Variants in CLDN14 observed in about 807,000 individuals in gnomAD.
The protein encoded by CLDN14 is claudin-14.
CLDN14 carries 2 observed loss-of-function variants against 2.1 expected under a neutral mutation model. The ratio of observed to expected loss-of-function variants is 0.96; its 90% CI spans 0.39 to 3.01. The LOEUF (loss-of-function observed/expected upper bound fraction) is 3.01, where lower values mean the gene tolerates loss of function less well. CLDN14 is among the 30% of genes most tolerant of loss of function. The pLI, the probability that CLDN14 is intolerant of heterozygous loss-of-function variation, is 0.09. For synonymous variants in CLDN14, 136 were observed against 154.4 expected (o/e 0.88, Z 0.88); for missense variants, 298 against 328.0 (o/e 0.91, Z 0.71).
rs191957978 is a variant in CLDN14 at position 36,529,803 on chromosome 21, G to C, written c.-219-19303C>G. Among the ~76,000 whole-genome samples, 72 of 152,178 alleles carry C rather than the reference G, an allele frequency of 4.7e-4. No homozygotes were observed. The Middle Eastern group carries it at 0.017, about 36-fold the overall frequency. ...ATTCCCTATTTATATTTATTTGTTA[G>C]TCTAAAAATTAATTGTTACCTGACA... On this transcript the variant is annotated intron_variant, in intron 1 of 2. Coordinates refer to the CLDN14 transcript ENST00000342108.
chr21:36,486,548 C>T lies in CLDN14; in HGVS notation c.-82+23815G>A. 1.9e-6 allele frequency: 3 copies of T among 1,559,914 alleles called. No individual in the cohort carries two copies. The South Asian group carries it at 3.3e-5, about 17-fold the overall frequency. On this transcript the variant is annotated intron_variant, in intron 2 of 2. Transcript: ENST00000342108. The stretch of plus-strand genomic sequence containing the variant: ...CCCTTCCCCAGCCAAAATCGGAGAA[C>T]TGATGAGAGCATCAGCCAAGCTGGG...
chr21:36,503,401 T>C (rs2087105544), intron 2 of CLDN14, among the ~76,000 whole-genome samples: 1 of 152,216 alleles, frequency 6.6e-6, no homozygotes, highest in Non-Finnish European at 1.5e-5. Context: ...TGAATTCCCA[T>C]GCGTTGTGGG....
intron 1 of CLDN14, among the ~76,000 whole-genome samples, chr21:36,567,390 G>A (rs2087680796): frequency 6.6e-6 from 1 of 152,208 alleles, no homozygotes; most frequent in Non-Finnish European, 1.5e-5. Context: ...GCTCCAAGGG[G>A]AGCCAACCGC....
intron 1 of CLDN14, among the ~76,000 whole-genome samples, chr21:36,521,213 C>T (rs999256236): frequency 6.6e-6 from 1 of 152,196 alleles, no homozygotes; most frequent in South Asian, 2.1e-4. Context: ...CCAGGCTTTC[C>T]AACCAGCTCC....
chr21:36,528,359 G>A (rs911055038), intron 1 of CLDN14, among the ~76,000 whole-genome samples: 1 of 152,194 alleles, frequency 6.6e-6, no homozygotes, highest in Non-Finnish European at 1.5e-5. Flanking sequence ...TGGAAAGTGA[G>A]ACAGTCCACG....
upstream of CLDN14, among the ~76,000 whole-genome samples, chr21:36,485,008 G>A (rs2086881128): frequency 6.6e-6 from 1 of 151,602 alleles, no homozygotes; most frequent in African/African-American, 2.4e-5. Flanking sequence ...CACTGTACTG[G>A]GCTGATAAGG....
At chr21:36,541,722 G>A (rs777871619) in intron 1 of CLDN14, among the ~76,000 whole-genome samples, 9 of 152,176 alleles carry the variant, frequency 5.9e-5, no homozygotes, top group Non-Finnish European at 1.3e-4. Flanking sequence ...CCAAATGCCC[G>A]GTAGAATGGA....
At chr21:36,540,179 G>A (rs2087476513) in intron 1 of CLDN14, among the ~76,000 whole-genome samples, 1 of 151,902 alleles carries the variant, frequency 6.6e-6, no homozygotes, top group Non-Finnish European at 1.5e-5. Flanking sequence ...ATTGGCTCCA[G>A]GACCCCTGAG....
intron 1 of CLDN14, among the ~76,000 whole-genome samples, chr21:36,467,333 G>T (rs529843664): frequency 1.5e-4 from 23 of 152,288 alleles, no homozygotes; most frequent in East Asian, 9.6e-4. Flanking sequence ...CAGTGGCCAT[G>T]GGGATCGCCT....
At chr21:36,564,246 C>T (rs905207694) in intron 1 of CLDN14, among the ~76,000 whole-genome samples, 1 of 152,204 alleles carries the variant, frequency 6.6e-6, no homozygotes, top group Non-Finnish European at 1.5e-5. Flanking sequence ...AAGAAGGATG[C>T]CTGTTTTCCT....
At chr21:36,523,762 A>AG (rs2087294002) in intron 1 of CLDN14, among the ~76,000 whole-genome samples, 1 of 32,304 alleles carries the variant, frequency 3.1e-5, no homozygotes, top group African/African-American at 7.2e-5. Context: ...AAAAAAAAAA[A>AG]GAAAGAAAGA....
At chr21:36,506,148 A>C (rs1037979801) in intron 2 of CLDN14, among the ~76,000 whole-genome samples, 1 of 152,284 alleles carries the variant, frequency 6.6e-6, no homozygotes, top group African/African-American at 2.4e-5. Context: ...GAGATTAGTT[A>C]CATAACTACG....
intron 1 of CLDN14, among the ~76,000 whole-genome samples, chr21:36,468,405 C>T (rs1283053337): frequency 9.9e-5 from 15 of 151,972 alleles, no homozygotes; most frequent in Middle Eastern, 3.2e-3. Flanking sequence ...GATGAAACCC[C>T]GTCTCTACTA....
At chr21:36,497,151 A>G (rs1363664035) in intron 2 of CLDN14, among the ~76,000 whole-genome samples, 18 of 11,958 alleles carry the variant, frequency 1.5e-3, no homozygotes, top group East Asian at 2.8e-3. Context: ...GGAAGGGAGG[A>G]AGGGAGGGAG....
In CLDN14 at chr21:36,551,868, C is replaced by A. The variant is rs913885897; in HGVS notation, c.-220+24543G>T. ...GTCGAGAGGAGAGTGCAGCATGACCCAACAGCCCTGCTGCTCCCAGCCGCA... is the reference window on the plus strand; with the variant it reads ...GTCGAGAGGAGAGTGCAGCATGACCAAACAGCCCTGCTGCTCCCAGCCGCA... On this transcript the variant is annotated intron_variant, in intron 1 of 2. Transcript: ENST00000342108. The surrounding 1 kb of genome is among the most constrained non-coding windows in gnomAD (Gnocchi z 4.8). Among the ~76,000 whole-genome samples the A allele has an allele frequency of 6.6e-6, 1 of 152,162 alleles. No individual in the cohort carries two copies. The highest frequency in any genetic ancestry group is 1.5e-5 in the Non-Finnish European group (1 of 68,024).
chr21:36,461,377 A>G lies in CLDN14; in HGVS notation c.319T>C (p.Cys107Arg). 1 of 1,613,050 alleles carries G rather than the reference A, an allele frequency of 6.2e-7. No homozygotes were observed. The highest frequency in any genetic ancestry group is 8.5e-7 in the Non-Finnish European group (1 of 1,179,920). ...CAVIGMKCTRCAKGTPAKTTF... is the reference protein window; with the variant it reads ...CAVIGMKCTRRAKGTPAKTTF... ...GTCTTGGCGGGTGTGCCCTTGGCGC[A>G]GCGCGTGCACTTCATCCCGATGACG... Residue 107 changes from cysteine to arginine, a missense_variant, in exon 2 of 2, where the codon TGC becomes CGC. By Grantham distance (180) the Cys-to-Arg change is radical (BLOSUM62 -3). Coordinates refer to ENST00000399135, the MANE Select transcript of CLDN14 (RefSeq NM_001146079.2).
intron 2 of CLDN14, among the ~76,000 whole-genome samples, chr21:36,501,196 C>A (rs2087088912): frequency 6.6e-6 from 1 of 152,158 alleles, no homozygotes; most frequent in Admixed American, 6.5e-5. Flanking sequence ...TCATCCACAT[C>A]AAGCCCCATT....
At chr21:36,496,609 C>T (rs2087020269) in intron 2 of CLDN14, among the ~76,000 whole-genome samples, 1 of 147,186 alleles carries the variant, frequency 6.8e-6, no homozygotes. Context: ...TGACATGGAC[C>T]CCTGAGAGCG....
At chr21:36,491,815 G>T (rs2146463877) in intron 2 of CLDN14, among the ~76,000 whole-genome samples, 1 of 152,228 alleles carries the variant, frequency 6.6e-6, no homozygotes, top group African/African-American at 2.4e-5. Flanking sequence ...GAGGACAGGT[G>T]CATGTGGACA....
Sources: allele counts gnomAD v4.1 joint callset (sites outside exome capture counted in the v4.1 genomes callset), GRCh38; gene constraint gnomAD v4.1.1; non-coding constraint Gnocchi (gnomAD v3.1); transcripts MANE v1.5; gene names NCBI Gene and HGNC (gene_info 2026-07-23, HGNC 2026-07-21).